CLMN: variants seen among roughly 807,000 people sequenced by gnomAD.
The protein encoded by CLMN is calmin, also known as calmin (calponin-like, transmembrane).
Under a neutral mutation model 92.7 loss-of-function variants are expected in CLMN, and 57 were observed. The ratio of observed to expected loss-of-function variants is 0.61; its 90% CI spans 0.50 to 0.77. The LOEUF is 0.77. Ranked by LOEUF, CLMN falls within the 30% of genes least tolerant of loss-of-function variation. The pLI, the probability that CLMN is intolerant of heterozygous loss-of-function variation, is 0.00. For synonymous variants in CLMN, 466 were observed against 470.6 expected, an observed-to-expected ratio of 0.99 and a Z score of 0.13; for missense variants, 1,158 against 1,237.5, an observed-to-expected ratio of 0.94 and a Z score of 0.96.
chr14:95,212,855 G>A (rs903024319), intron 6 of CLMN, among the ~76,000 whole-genome samples: 8 of 149,446 alleles, frequency 5.4e-5, no homozygotes, highest in East Asian at 4.0e-4. Context: ...GAGTGAACTC[G>A]GCTCACTGCA....
At chr14:95,226,107 G>A (rs1462956523) in intron 2 of CLMN, among the ~76,000 whole-genome samples, 1 of 152,144 alleles carries the variant, frequency 6.6e-6, no homozygotes, top group Non-Finnish European at 1.5e-5. Context: ...GCTCTTACTG[G>A]CCTGTACAGT....
At chr14:95,253,101 T>C (rs1473490987) in intron 1 of CLMN, among the ~76,000 whole-genome samples, 1 of 152,098 alleles carries the variant, frequency 6.6e-6, no homozygotes, top group Non-Finnish European at 1.5e-5. Context: ...CCTTGGCAAT[T>C]TGGCAAACTC....
chr14:95,191,003 T>C lies in CLMN; in HGVS notation c.*561A>G, dbSNP rs1342045140. On this transcript the variant is annotated 3_prime_UTR_variant, in exon 13 of 13. Transcript: ENST00000298912. The surrounding 1 kb of genome is among the most constrained non-coding windows in gnomAD (Gnocchi z 5.3). The stretch of plus-strand genomic sequence containing the variant: ...GGATTCTGCCATTCCTGGATGTGCT[T>C]ACACAGAGCTGGCTGCTCGGATTTC... 6 of 152,284 alleles carry C rather than the reference T, an allele frequency of 3.9e-5. No individual in the cohort carries two copies. Among genetic ancestry groups the C allele is most frequent in the Admixed American group, 1.3e-4 (2 of 15,286 alleles). 9.4% of individuals were successfully genotyped at this position (152,284 alleles called of 1,614,324 possible).
intron 1 of CLMN, among the ~76,000 whole-genome samples, chr14:95,314,020 A>C (rs758142265): frequency 6.6e-6 from 1 of 151,080 alleles, no homozygotes; most frequent in Non-Finnish European, 1.5e-5. Context: ...GGCTGCTGAC[A>C]CGTGATTCTG....
intron 1 of CLMN, among the ~76,000 whole-genome samples, chr14:95,306,634 C>T (rs780950362): frequency 1.3e-5 from 2 of 152,056 alleles, no homozygotes; most frequent in Non-Finnish European, 2.9e-5. Context: ...AATTAATAAG[C>T]GCATACCCCA....
rs1304713694 is a variant in CLMN at position 95,189,924 on chromosome 14, T to TA, written c.*1639dup. On this transcript the variant is annotated 3_prime_UTR_variant, in exon 13 of 13. Coordinates refer to ENST00000298912, the MANE Select transcript of CLMN (RefSeq NM_024734.4). ...TTGGCTGTCATCGACTCAGATGTGC[T>TA]ATGTAAATTCTTCTGGCCATGCTGG... The TA allele has an allele frequency of 6.6e-6, 1 of 152,210 alleles. No homozygotes were observed. The highest frequency in any genetic ancestry group is 1.5e-5 in the Non-Finnish European group (1 of 68,050). 9.4% of individuals were successfully genotyped at this position (152,210 alleles called of 1,614,324 possible).
chr14:95,274,000 C>G (rs185952383), intron 1 of CLMN, among the ~76,000 whole-genome samples: 3 of 152,298 alleles, frequency 2.0e-5, no homozygotes, highest in Non-Finnish European at 4.4e-5. Context: ...CCTGGCATCC[C>G]CTTCGGTTAT....
chr14:95,252,745 G>A (rs1041225437), intron 1 of CLMN, among the ~76,000 whole-genome samples: 1 of 152,130 alleles, frequency 6.6e-6, no homozygotes, highest in Non-Finnish European at 1.5e-5. Flanking sequence ...CATCAGCCAT[G>A]CCTCTGTAAT....
intron 1 of CLMN, among the ~76,000 whole-genome samples, chr14:95,273,437 G>T (rs939799652): frequency 2.6e-5 from 4 of 152,160 alleles, no homozygotes; most frequent in African/African-American, 9.7e-5. Context: ...AGTTTATGAG[G>T]CTATAGTTCA....
chr14:95,246,530 G>T (rs1004290334), intron 1 of CLMN, among the ~76,000 whole-genome samples: 3 of 152,178 alleles, frequency 2.0e-5, no homozygotes, highest in Non-Finnish European at 2.9e-5. Flanking sequence ...GTGCAGTGGC[G>T]CCATCTTGGC....
At chr14:95,242,027 G>T (rs1327763567) in intron 1 of CLMN, among the ~76,000 whole-genome samples, 6 of 152,140 alleles carry the variant, frequency 3.9e-5, no homozygotes, top group African/African-American at 1.4e-4. Context: ...GTCGAAGTTG[G>T]ATCATTGTTC....
At position 95,268,794 on chromosome 14, in the gene CLMN, CTTTTTTT is replaced by C. The variant is rs985091508; in HGVS notation, c.83-38668_83-38662del. On this transcript the variant is annotated intron_variant, in intron 1 of 12. Coordinates refer to ENST00000298912, the MANE Select transcript of CLMN (RefSeq NM_024734.4). ...TACTGGGACCTCTCTCTCTCTCTCT[CTTTTTTT>C]TTTTTTTTTTTTTTTTTTTTTAGAC... Among the ~76,000 whole-genome samples the C allele has an allele frequency of 1.7e-4, 11 of 63,106 alleles. No individual in the cohort carries two copies. In the South Asian group the frequency reaches 4.9e-3, roughly 28 times the overall value. The allele number at this position is 63,106 out of a possible 152,430, so 41.4% of individuals were successfully genotyped here. A position where few individuals can be genotyped will look rare whatever the true frequency, so the allele number is the denominator to read the frequency against.
intron 2 of CLMN, among the ~76,000 whole-genome samples, chr14:95,225,318 AT>A (rs542329084): frequency 6.6e-5 from 10 of 152,212 alleles, no homozygotes; most frequent in Non-Finnish European, 1.3e-4. Context: ...GGCCTTGGGA[AT>A]GTTCTTTAAC....
chr14:95,264,364 C>T (rs1899383648), intron 1 of CLMN, among the ~76,000 whole-genome samples: 1 of 152,092 alleles, frequency 6.6e-6, no homozygotes, highest in South Asian at 2.1e-4. Flanking sequence ...AATCCTCAGC[C>T]AGCCTTGTGA....
At chr14:95,198,042 CTTTTTTTTT>C (rs1019598103) in intron 9 of CLMN, among the ~76,000 whole-genome samples, 1 of 69,958 alleles carries the variant, frequency 1.4e-5, no homozygotes, top group Non-Finnish European at 2.6e-5. Context: ...TTTTTTCTTT[CTTTTTTTTT>C]TTTTTTTTTT....
At chr14:95,218,500 T>C (rs1897424022) in intron 4 of CLMN, among the ~76,000 whole-genome samples, 1 of 152,232 alleles carries the variant, frequency 6.6e-6, no homozygotes. Flanking sequence ...ACCTGGCTGC[T>C]GCCTGGCATC....
intron 1 of CLMN, among the ~76,000 whole-genome samples, chr14:95,287,848 G>A (rs557959274): frequency 1.3e-5 from 2 of 152,262 alleles, no homozygotes; most frequent in Middle Eastern, 3.4e-3. Flanking sequence ...GAGGCTCCTA[G>A]CCAGCTATCT....
rs576614010 is a variant in CLMN at position 95,203,547 on chromosome 14, T to C, written c.1802A>G (p.His601Arg). The C allele has an allele frequency of 4.3e-6, 7 of 1,614,212 alleles. No individual in the cohort carries two copies. The highest frequency in any genetic ancestry group is 3.3e-5 in the South Asian group (3 of 91,084). The stretch of plus-strand genomic sequence containing the variant: ...ACTCCTTTTACCTAGTTTTTCAGCA[T>C]GATTCTCAAAAGCCTCAGCATCCTC... Reference protein sequence around the residue: ...PDEDAEAFENHAEKLGKRSIK... With the variant: ...PDEDAEAFENRAEKLGKRSIK... Residue 601 changes from histidine to arginine, a missense_variant, in exon 9 of 13, where the codon CAT becomes CGT. Transcript: ENST00000298912.
intron 1 of CLMN, among the ~76,000 whole-genome samples, chr14:95,231,193 C>CTTTTTT (rs59211402): frequency 7.3e-6 from 1 of 137,346 alleles, no homozygotes; most frequent in Non-Finnish European, 1.6e-5. Context: ...AATCCTCTAA[C>CTTTTTT]TTTTTTTTTT....
Sources: gnomAD v4.1 joint callset for allele counts (sites outside exome capture counted in the v4.1 genomes callset) on GRCh38, gnomAD v4.1.1 for gene constraint, Gnocchi (gnomAD v3.1) non-coding constraint, MANE v1.5 for transcripts, NCBI Gene and HGNC (gene_info 2026-07-23, HGNC 2026-07-21) for gene names.